Variants in TIMP2 observed in about 807,000 individuals in gnomAD.
TIMP2 encodes the protein TIMP metallopeptidase inhibitor 2, also known as metalloproteinase inhibitor 2.
TIMP2 carries 5 observed loss-of-function variants against 24.3 expected under a neutral mutation model. That is an observed-to-expected ratio of 0.21 (90% confidence interval 0.11 to 0.43). The LOEUF is 0.43. Among genes scored for constraint, TIMP2 ranks in the 20% least tolerant of loss-of-function variants. TIMP2 has a pLI of 1.00. For missense variants in TIMP2, 221 were observed against 297.5 expected (o/e 0.74, Z 1.89); for synonymous variants, 130 against 123.2 (o/e 1.06, Z -0.37).
intron 1 of TIMP2, among the ~76,000 whole-genome samples, chr17:78,921,837 T>C (rs138367317): frequency 1.2e-3 from 178 of 152,336 alleles, no homozygotes; most frequent in African/African-American, 3.5e-3. Flanking sequence ...TCCTACCAAC[T>C]GCAAGAGCTG....
intron 3 of TIMP2, among the ~76,000 whole-genome samples, chr17:78,862,653 C>T (rs1173599539): frequency 6.6e-6 from 1 of 152,220 alleles, no homozygotes; most frequent in Non-Finnish European, 1.5e-5. Context: ...GGATCCATCG[C>T]CCAGGTAGTG....
intron 1 of TIMP2, among the ~76,000 whole-genome samples, chr17:78,907,855 C>T (rs963295544): frequency 6.6e-6 from 1 of 152,126 alleles, no homozygotes; most frequent in Admixed American, 6.6e-5. Context: ...ACGTTCTGGC[C>T]AGGTGTGGTG....
intron 1 of TIMP2, among the ~76,000 whole-genome samples, chr17:78,921,881 G>T (rs2070310847): frequency 6.6e-6 from 1 of 152,214 alleles, no homozygotes; most frequent in African/African-American, 2.4e-5. Context: ...CCTCAGCCGG[G>T]CAGACAGAAA....
intron 1 of TIMP2, among the ~76,000 whole-genome samples, chr17:78,911,553 G>C (rs79619529): frequency 6.6e-6 from 1 of 151,888 alleles, no homozygotes; most frequent in Non-Finnish European, 1.5e-5. Context: ...TCAGCCTCCC[G>C]AGTAGCTGGG....
At chr17:78,867,244 G>C (rs1180637070) in intron 3 of TIMP2, among the ~76,000 whole-genome samples, 1 of 152,186 alleles carries the variant, frequency 6.6e-6, no homozygotes, top group African/African-American at 2.4e-5. Flanking sequence ...AACAGAGGGA[G>C]ACTCTGTCTT....
chr17:78,863,923 C>T (rs1191182185), intron 3 of TIMP2, among the ~76,000 whole-genome samples: 3 of 152,154 alleles, frequency 2.0e-5, no homozygotes, highest in Admixed American at 6.5e-5. Context: ...ATGTACGGAT[C>T]GGCATGGGAG....
At chr17:78,886,526 G>A (rs148344650) in intron 1 of TIMP2, among the ~76,000 whole-genome samples, 1 of 152,282 alleles carries the variant, frequency 6.6e-6, no homozygotes, top group East Asian at 1.9e-4. Context: ...CACAAGGCAA[G>A]TGCAGAAACA....
At chr17:78,871,118 G>A (rs939496375) in intron 2 of TIMP2, 112 bp from the exon 3 acceptor site, 3 of 768,982 alleles carry the variant, frequency 3.9e-6, no homozygotes, top group African/African-American at 1.7e-5. Context: ...GGTACAGCCA[G>A]CACCCAAGAG....
intron 1 of TIMP2, among the ~76,000 whole-genome samples, chr17:78,889,847 C>T (rs60865235): frequency 0.061 from 9,317 of 152,236 alleles, 893 homozygotes; most frequent in African/African-American, 0.21. Context: ...AGGCCAGGCG[C>T]GGTGGCTCAA....
chr17:78,873,984 G>A lies in TIMP2; in HGVS notation c.131-65C>T, dbSNP rs916005027. On this transcript the variant is annotated intron_variant, in intron 1 of 4. Transcript: ENST00000262768. ...AACACGCTCCTGGGGCTAAGGAGAGGGATAAGACGTCCAGGCCTGCGGGAG... is the reference window on the plus strand; with the variant it reads ...AACACGCTCCTGGGGCTAAGGAGAGAGATAAGACGTCCAGGCCTGCGGGAG... The A allele has an allele frequency of 1.0e-5, 15 of 1,479,290 alleles. No individual in the cohort carries two copies. The African/African-American group carries it at 1.8e-4, about 18-fold the overall frequency. The allele number at this position is 1,479,290 out of a possible 1,614,324, so 91.6% of individuals were successfully genotyped here. A position where few individuals can be genotyped will look rare whatever the true frequency, so the allele number is the denominator to read the frequency against.
In TIMP2 at chr17:78,891,565, T is replaced by C; in HGVS notation, c.131-17646A>G. On this transcript the variant is annotated intron_variant, in intron 1 of 4. Coordinates refer to ENST00000262768, the MANE Select transcript of TIMP2 (RefSeq NM_003255.5). This position sits in a 1 kb window ranked among gnomAD's most constrained non-coding sequence, Gnocchi z 4.5. ...CTTCCCTTCTGCAGCTGGAATCAGCTGGCCACAGCTGCCCGAGGTCTCTCA... is the reference window on the plus strand; with the variant it reads ...CTTCCCTTCTGCAGCTGGAATCAGCCGGCCACAGCTGCCCGAGGTCTCTCA... The C allele has an allele frequency of 6.4e-7, 1 of 1,550,920 alleles. No homozygotes were observed.
chr17:78,864,773 CG>C (rs200608485), intron 3 of TIMP2, among the ~76,000 whole-genome samples: 2,028 of 152,132 alleles, frequency 0.013, 37 homozygotes, highest in African/African-American at 0.046. Context: ...ATCTACCAGC[CG>C]GGTGCAGTGG....
chr17:78,892,384 G>A (rs1568000549), intron 1 of TIMP2: 3 of 1,550,626 alleles, frequency 1.9e-6, no homozygotes, highest in Non-Finnish European at 2.6e-6. Context: ...GAAGGTGCTT[G>A]GAGCCAAGAG....
intron 1 of TIMP2, chr17:78,899,823 G>A (rs1023577711): frequency 6.6e-6 from 1 of 152,148 alleles, no homozygotes; most frequent in Admixed American, 6.5e-5. Flanking sequence ...ACCCTCCAAG[G>A]GAACAAAGAG....
chr17:78,903,463 C>T (rs536732000), intron 1 of TIMP2, among the ~76,000 whole-genome samples: 6 of 152,180 alleles, frequency 3.9e-5, no homozygotes, highest in Non-Finnish European at 5.9e-5. Context: ...CAGCTGGCTG[C>T]ATGGAGACCT....
intron 1 of TIMP2, among the ~76,000 whole-genome samples, chr17:78,880,719 C>T (rs1008351859): frequency 6.6e-6 from 1 of 152,136 alleles, no homozygotes. Flanking sequence ...AAGAAAATTG[C>T]CTGTAAGAAA....
At chr17:78,889,342 A>C (rs575138800) in intron 1 of TIMP2, among the ~76,000 whole-genome samples, 134 of 152,318 alleles carry the variant, frequency 8.8e-4, no homozygotes, top group African/African-American at 3.2e-3. Flanking sequence ...CCAGGTGCCG[A>C]CACCCTTGCC....
At position 78,887,678 on chromosome 17, in the gene TIMP2, C is replaced by T. The variant is rs937035316; in HGVS notation, c.131-13759G>A. Among the ~76,000 whole-genome samples the T allele has an allele frequency of 8.6e-5, 13 of 151,702 alleles. No homozygotes were observed. The East Asian group carries it at 2.3e-3, about 27-fold the overall frequency. ...GGGATTACAGGTATGAGCAAACGCGCCCAGCCTCATATTTGTAAATTAAAT... is the reference window on the plus strand; with the variant it reads ...GGGATTACAGGTATGAGCAAACGCGTCCAGCCTCATATTTGTAAATTAAAT... On this transcript the variant is annotated intron_variant, in intron 1 of 4. Coordinates refer to ENST00000262768, the MANE Select transcript of TIMP2 (RefSeq NM_003255.5).
At position 78,855,812 on chromosome 17, in the gene TIMP2, A is replaced by G. The variant is rs769578055; in HGVS notation, c.518T>C (p.Leu173Pro). The G allele has an allele frequency of 5.8e-5, 93 of 1,613,742 alleles. No homozygotes were observed. The highest frequency in any genetic ancestry group is 7.1e-5 in the Non-Finnish European group (84 of 1,179,986). The change falls in exon 5 of 5, where the codon CTC becomes CCC. Residue 173 changes from leucine (L) to proline (P), a missense_variant. Coordinates refer to ENST00000262768, the MANE Select transcript of TIMP2 (RefSeq NM_003255.5). This position sits in a 1 kb window ranked among gnomAD's most constrained non-coding sequence, Gnocchi z 6.0. ...CTTCTCTGTGACCCAGTCCATCCAGAGGCACTCGTCCGGGGAGGAGATGTA... is the reference window on the plus strand; with the variant it reads ...CTTCTCTGTGACCCAGTCCATCCAGGGGCACTCGTCCGGGGAGGAGATGTA... ...PCYISSPDECLWMDWVTEKNI... is the reference protein window; with the variant it reads ...PCYISSPDECPWMDWVTEKNI...
Sources: allele counts gnomAD v4.1 joint callset (sites outside exome capture counted in the v4.1 genomes callset), GRCh38; gene constraint gnomAD v4.1.1; non-coding constraint Gnocchi (gnomAD v3.1); transcripts MANE v1.5; gene names NCBI Gene and HGNC (gene_info 2026-07-23, HGNC 2026-07-21).